Variants in SH3RF3 observed in about 807,000 individuals in gnomAD.
SH3RF3 encodes SH3 domain containing ring finger 3.
In SH3RF3, 29 loss-of-function variants were observed where a neutral mutation model predicts 66.3. The observed-to-expected ratio is 0.44, with a 90% CI of 0.33 to 0.60. The LOEUF (loss-of-function observed/expected upper bound fraction) is 0.60, where lower values mean the gene tolerates loss of function less well. Among genes scored for constraint, SH3RF3 ranks in the 20% least tolerant of loss-of-function variants. The probability of loss-of-function intolerance (pLI) is 0.04; values close to 1 mark genes in which losing one functional copy is unlikely to be tolerated. For synonymous variants in SH3RF3, 583 were observed against 532.0 expected (o/e 1.10, Z -1.32); for missense variants, 1,194 against 1,190.9 (o/e 1.00, Z -0.04).
chr2:109,137,793 A>C (rs1676846517), intron 1 of SH3RF3, among the ~76,000 whole-genome samples: 1 of 152,218 alleles, frequency 6.6e-6, no homozygotes, highest in Non-Finnish European at 1.5e-5. Context: ...TAATCGGTTA[A>C]TCCTCCAAGC....
chr2:109,200,925 G>C (rs1678655306), intron 1 of SH3RF3, among the ~76,000 whole-genome samples: 1 of 152,160 alleles, frequency 6.6e-6, no homozygotes, highest in Admixed American at 6.5e-5. Context: ...GGTGCTGTTG[G>C]GATAGTGCAG....
intron 1 of SH3RF3, among the ~76,000 whole-genome samples, chr2:109,254,262 A>G (rs1680166885): frequency 6.6e-6 from 1 of 152,158 alleles, no homozygotes; most frequent in African/African-American, 2.4e-5. Flanking sequence ...ATGTTTTTCT[A>G]GAGTTTTTAG....
rs1227634480 is a variant in SH3RF3 at position 109,493,659 on chromosome 2, ATAT to A, written c.2480+2727_2480+2729del. Reference sequence around the variant, plus strand: ...CTGCAAACACACACCATACACACACATATTATACAAACACATCACACACCATAC... The same window carrying A: ...CTGCAAACACACACCATACACACACATATACAAACACATCACACACCATAC... On this transcript the variant is annotated intron_variant, in intron 9 of 9. Coordinates refer to ENST00000309415, the MANE Select transcript of SH3RF3 (RefSeq NM_001099289.3). Among the ~76,000 whole-genome samples the A allele has an allele frequency of 2.6e-5, 4 of 151,580 alleles. No individual in the cohort carries two copies. In the South Asian group the frequency reaches 8.3e-4, roughly 32 times the overall value.
At chr2:109,306,370 C>T (rs1681598113) in intron 1 of SH3RF3, among the ~76,000 whole-genome samples, 1 of 152,252 alleles carries the variant, frequency 6.6e-6, no homozygotes, top group East Asian at 1.9e-4. Context: ...CCAGCAGCAC[C>T]TGCAGAGTGC....
At chr2:109,284,118 G>A (rs1216614710) in intron 1 of SH3RF3, among the ~76,000 whole-genome samples, 3 of 152,136 alleles carry the variant, frequency 2.0e-5, no homozygotes, top group Non-Finnish European at 4.4e-5. Flanking sequence ...GACCTTGAAC[G>A]AACACATCCC....
chr2:109,443,207 A>G (rs1012550354), intron 7 of SH3RF3, among the ~76,000 whole-genome samples: 3 of 152,258 alleles, frequency 2.0e-5, no homozygotes, highest in African/African-American at 7.2e-5. Context: ...TATTTATTTG[A>G]CAAAAGAGAA....
chr2:109,440,332 A>G (rs1362759626), intron 7 of SH3RF3, among the ~76,000 whole-genome samples: 1 of 152,244 alleles, frequency 6.6e-6, no homozygotes, highest in East Asian at 1.9e-4. Context: ...GGGCCCATGG[A>G]CGCTGGAATA....
chr2:109,198,209 A>G (rs1033891938), intron 1 of SH3RF3, among the ~76,000 whole-genome samples: 4 of 152,204 alleles, frequency 2.6e-5, no homozygotes, highest in Non-Finnish European at 4.4e-5. Flanking sequence ...CATGGCCTGC[A>G]TAGGTTGTAA....
chr2:109,235,636 C>G (rs1679628766), intron 1 of SH3RF3, among the ~76,000 whole-genome samples: 1 of 152,154 alleles, frequency 6.6e-6, no homozygotes, highest in African/African-American at 2.4e-5. Flanking sequence ...TTTGCTTTTG[C>G]TGTTTTTTGG....
At chr2:109,305,563 C>G (rs35709286) in intron 1 of SH3RF3, among the ~76,000 whole-genome samples, 19,157 of 152,094 alleles carry the variant, frequency 0.13, 1,638 homozygotes, top group East Asian at 0.39. Context: ...CAGGAAGCTC[C>G]GTACAAGCAG....
intron 1 of SH3RF3, among the ~76,000 whole-genome samples, chr2:109,289,269 G>A (rs533502466): frequency 3.0e-4 from 46 of 152,140 alleles, no homozygotes; most frequent in Non-Finnish European, 5.9e-4. Context: ...ATCACCCACT[G>A]GCTGGGGTGA....
chr2:109,464,422 TACATGTAC>T (rs1284015196), intron 8 of SH3RF3, among the ~76,000 whole-genome samples: 1 of 152,208 alleles, frequency 6.6e-6, no homozygotes, highest in Non-Finnish European at 1.5e-5. Flanking sequence ...CAAACATGAC[TACATGTAC>T]ACACATTCGC....
chr2:109,484,790 A>G (rs1488974689), intron 8 of SH3RF3, among the ~76,000 whole-genome samples: 1 of 152,178 alleles, frequency 6.6e-6, no homozygotes, highest in Non-Finnish European at 1.5e-5. Flanking sequence ...TGGTATCAAC[A>G]GTCGAGGCCC....
At chr2:109,376,771 C>T (rs1227907257) in intron 3 of SH3RF3, among the ~76,000 whole-genome samples, 12 of 152,220 alleles carry the variant, frequency 7.9e-5, no homozygotes, top group Non-Finnish European at 1.8e-4. Context: ...CATGCCCTCA[C>T]CCCACACGTG....
chr2:109,246,806 C>T (rs72937585), intron 1 of SH3RF3, among the ~76,000 whole-genome samples: 284 of 152,320 alleles, frequency 1.9e-3, no homozygotes, highest in African/African-American at 6.4e-3. Flanking sequence ...GAACTGCAGT[C>T]GGATGCCCTA....
intron 8 of SH3RF3, among the ~76,000 whole-genome samples, chr2:109,476,485 C>T (rs1165342399): frequency 6.6e-6 from 1 of 152,232 alleles, no homozygotes; most frequent in African/African-American, 2.4e-5. Flanking sequence ...ACAAGGAGGT[C>T]TAGAACCCAA....
At chr2:109,498,172 C>G (rs1339712213) in intron 9 of SH3RF3, among the ~76,000 whole-genome samples, 1 of 152,188 alleles carries the variant, frequency 6.6e-6, no homozygotes, top group Admixed American at 6.5e-5. Flanking sequence ...CCTGCATGTC[C>G]CTGAGAGCAG....
intron 6 of SH3RF3, among the ~76,000 whole-genome samples, chr2:109,433,433 A>G (rs2104573331): frequency 6.6e-6 from 1 of 152,254 alleles, no homozygotes; most frequent in East Asian, 1.9e-4. Context: ...TTGTCTGGGA[A>G]TTTTTCGCTG....
At chr2:109,278,010 CAA>C (rs58675048) in intron 1 of SH3RF3, among the ~76,000 whole-genome samples, 4 of 81,324 alleles carry the variant, frequency 4.9e-5, no homozygotes, top group African/African-American at 5.2e-5. Context: ...CTGTCTCTAA[CAA>C]AAAAAAAAAA....
Sources: allele counts gnomAD v4.1 joint callset (sites outside exome capture counted in the v4.1 genomes callset), GRCh38; gene constraint gnomAD v4.1.1; transcripts MANE v1.5; gene names NCBI Gene and HGNC (gene_info 2026-07-23, HGNC 2026-07-21).